ANKRD40: variants seen among roughly 807,000 people sequenced by gnomAD.
ANKRD40 encodes the protein ankyrin repeat domain 40, also known as ankyrin repeat domain-containing protein 40.
In ANKRD40, 24 loss-of-function variants were observed where a neutral mutation model predicts 35.5. The observed-to-expected ratio is 0.68, with a 90% CI of 0.49 to 0.95. The LOEUF (loss-of-function observed/expected upper bound fraction) is 0.95. Ranked by LOEUF, ANKRD40 falls within the 40% of genes least tolerant of loss-of-function variation. ANKRD40 has a pLI of 0.00. For synonymous variants in ANKRD40, 147 were observed against 173.5 expected (o/e 0.85, Z 1.20); for missense variants, 361 against 436.0 (o/e 0.83, Z 1.53).
intron 4 of ANKRD40, 58 bp downstream of exon 4, chr17:50,696,882 G>A: frequency 6.8e-7 from 1 of 1,465,486 alleles, no homozygotes; most frequent in Non-Finnish European, 9.2e-7. Flanking sequence ...TAACCAAGGA[G>A]GGGGCTAGGT....
At position 50,695,309 on chromosome 17, in the gene ANKRD40, C is replaced by G. The variant is rs539245793; in HGVS notation, c.*688G>C. 1 of 152,344 alleles carries G rather than the reference C, an allele frequency of 6.6e-6. No homozygotes were observed. The highest frequency in any genetic ancestry group is 2.4e-5 in the African/African-American group (1 of 41,552). 9.4% of individuals were successfully genotyped at this position (152,344 alleles called of 1,614,324 possible). ...CGAAGGGGAGTTAATGCAGAGATGACTCGAGACAGAGAAGCAGTCATGAGT... is the reference window on the plus strand; with the variant it reads ...CGAAGGGGAGTTAATGCAGAGATGAGTCGAGACAGAGAAGCAGTCATGAGT... On this transcript the variant is annotated 3_prime_UTR_variant, in exon 5 of 5. Coordinates refer to ENST00000285243, the MANE Select transcript of ANKRD40 (RefSeq NM_052855.4).
Position 50,700,611 on chromosome 17 carries a change from T to G in ANKRD40, c.240A>C (p.Pro80=). ...KEILTTKGEM[P]VQLTSRREIR... Reference sequence around the variant, plus strand: ...TTTCTCTCCTTGATGTTAACTGGACTGGCATTTCTCCTTTTGTGGTAAGAA... The same window carrying G: ...TTTCTCTCCTTGATGTTAACTGGACGGGCATTTCTCCTTTTGTGGTAAGAA... Residue 80 remains proline (P), a synonymous_variant, in exon 2 of 5, where the codon CCA becomes CCC. Coordinates refer to ENST00000285243, the MANE Select transcript of ANKRD40 (RefSeq NM_052855.4). The G allele has an allele frequency of 6.2e-7, 1 of 1,614,186 alleles. No individual in the cohort carries two copies. The highest frequency in any genetic ancestry group is 1.3e-5 in the African/African-American group (1 of 75,050).
In ANKRD40 at chr17:50,707,643, G is replaced by T; in HGVS notation, c.12C>A (p.Leu4=). The change falls in exon 1 of 5, where the codon CTC becomes CTA. Residue 4 remains leucine (L), a synonymous_variant. Coordinates refer to ENST00000285243, the MANE Select transcript of ANKRD40 (RefSeq NM_052855.4). This position sits in a 1 kb window ranked among gnomAD's most constrained non-coding sequence, Gnocchi z 4.8. ...TCTCCTGCTGCTCCTTCTGCTCTAG[G>T]AGGGCGTTCATCTTCCCACAGCCCC... MNA[L]LEQKEQQERL... 6.4e-7 allele frequency: 1 copy of T among 1,571,998 alleles called. No homozygotes were observed.
In ANKRD40 at chr17:50,699,556, A is replaced by G. The variant is rs369579005; in HGVS notation, c.621T>C (p.Pro207=). Residue 207 remains proline, a synonymous_variant, in exon 3 of 5, where the codon CCT becomes CCC. Coordinates refer to ENST00000285243, the MANE Select transcript of ANKRD40 (RefSeq NM_052855.4). The part of the protein sequence containing the change: ...LRTPESTKPG[P]VCQPPVSQSR... ...TCTGACTCACTGGTGGCTGACAAAC[A>G]GGACCCGGTTTTGTGCTTTCTGGTG... The G allele has an allele frequency of 1.5e-5, 25 of 1,614,222 alleles. No individual in the cohort carries two copies. The East Asian group carries it at 1.6e-4, about 10-fold the overall frequency.
At chr17:50,705,115 T>A (rs8076264) in intron 1 of ANKRD40, among the ~76,000 whole-genome samples, 1 of 143,414 alleles carries the variant, frequency 7.0e-6, no homozygotes, top group African/African-American at 2.6e-5. Flanking sequence ...TGCGAGACTC[T>A]GTCTCAAAAA....
rs777053408 is a variant in ANKRD40, at chr17:50,697,023, G to GC, written c.876dup (p.Leu293AlafsTer7). The GC allele has an allele frequency of 1.9e-6, 3 of 1,614,124 alleles. No individual in the cohort carries two copies. The highest frequency in any genetic ancestry group is 2.5e-6 in the Non-Finnish European group (3 of 1,180,020). On this transcript the variant is annotated frameshift_variant, in exon 4 of 5. Transcript: ENST00000285243. LOFTEE classifies it high-confidence loss of function. Reference sequence around the variant, plus strand: ...CCCAGCTCACAGCAACACACTCTGAGCAACTCTTGGTAGGTGAGCTCCTGT... The same window carrying GC: ...CCCAGCTCACAGCAACACACTCTGAGCCAACTCTTGGTAGGTGAGCTCCTGT...
intron 1 of ANKRD40, among the ~76,000 whole-genome samples, chr17:50,705,158 T>C (rs995543609): frequency 6.6e-6 from 1 of 150,752 alleles, no homozygotes; most frequent in African/African-American, 2.4e-5. Context: ...ATCCTATCTG[T>C]GCTGCAAAGC....
At chr17:50,706,776 T>C (rs1597869655) in intron 1 of ANKRD40, among the ~76,000 whole-genome samples, 2 of 146,634 alleles carry the variant, frequency 1.4e-5, no homozygotes, top group African/African-American at 5.0e-5. Context: ...TGGGGGCGCG[T>C]GCCTGTATTC....
chr17:50,702,572 T>A (rs528444329), intron 1 of ANKRD40, among the ~76,000 whole-genome samples: 38 of 152,178 alleles, frequency 2.5e-4, no homozygotes, highest in Non-Finnish European at 4.9e-4. Flanking sequence ...AAGTGAGCCC[T>A]CAAAAATGAA....
chr17:50,695,877 T>C lies in ANKRD40; in HGVS notation c.*120A>G, dbSNP rs1163588059. On this transcript the variant is annotated 3_prime_UTR_variant, in exon 5 of 5. Transcript: ENST00000285243. ...ACCTTGGCAGAATGATGTTAGTATA[T>C]ACTATGCAGTGGCACCAGAGGCCCT... is the stretch of plus-strand genomic sequence containing the variant. 9.7e-6 allele frequency: 12 copies of C among 1,235,774 alleles called. No homozygotes were observed. The East Asian group carries it at 1.4e-4, about 15-fold the overall frequency. 76.6% of individuals were successfully genotyped at this position (1,235,774 alleles called of 1,614,324 possible). A position where few individuals can be genotyped will look rare whatever the true frequency, so the allele number is the denominator to read the frequency against.
Position 50,696,973 on chromosome 17 carries a change from C to A in ANKRD40, c.927G>T (p.Lys309Asn). ...ACAGAGTATTGGGTAACTTTCTGAT[C>A]TTCTCCACTTGATCTGGATTAACAC... Reference protein sequence around the residue: ...ELGVNPDQVEKIRKLPNTLLR... With the variant: ...ELGVNPDQVENIRKLPNTLLR... Residue 309 changes from lysine to asparagine, a missense_variant, in exon 4 of 5, where the codon AAG (lysine) becomes AAT (asparagine). Physicochemically the swap from Lys to Asn is moderately conservative, Grantham distance 94 (BLOSUM62 0). Around this residue, in one of 5 missense-constraint regions of ANKRD40, gnomAD observed 93 missense variants for 129.6 expected, o/e 0.72. Coordinates refer to ENST00000285243, the MANE Select transcript of ANKRD40 (RefSeq NM_052855.4). 6.2e-7 allele frequency: 1 copy of A among 1,611,938 alleles called. No individual in the cohort carries two copies. The highest frequency in any genetic ancestry group is 8.5e-7 in the Non-Finnish European group (1 of 1,179,164).
chr17:50,707,529 G>T lies in ANKRD40; in HGVS notation c.126C>A (p.Val42=), dbSNP rs1475264935. The T allele has an allele frequency of 8.7e-6, 14 of 1,606,686 alleles. No homozygotes were observed. Among genetic ancestry groups the T allele is most frequent in the Non-Finnish European group, 1.2e-5 (14 of 1,176,358 alleles). Residue 42 remains valine (V), a synonymous_variant, in exon 1 of 5, where the codon GTC becomes GTA. Coordinates refer to ENST00000285243, the MANE Select transcript of ANKRD40 (RefSeq NM_052855.4). The surrounding 1 kb of genome is among the most constrained non-coding windows in gnomAD (Gnocchi z 4.8). ...CCCCGCTCCCCACTTACCAGCCGTT[G>T]ACCTCATTTTGGGAGTTCACATCCA... ...SGVDVNSQNE[V]NGWTCLHWAC...
At chr17:50,705,660 C>CTTTTT (rs901114991) in intron 1 of ANKRD40, among the ~76,000 whole-genome samples, 1 of 127,184 alleles carries the variant, frequency 7.9e-6, no homozygotes, top group Non-Finnish European at 1.7e-5. Context: ...GGAAGATAGA[C>CTTTTT]TTTTTTTTTT....
intron 3 of ANKRD40, among the ~76,000 whole-genome samples, chr17:50,698,266 G>A (rs1171557979): frequency 1.3e-5 from 2 of 152,012 alleles, no homozygotes; most frequent in African/African-American, 4.8e-5. Flanking sequence ...GTAAGGCAGT[G>A]CTCCAAGAAC....
intron 3 of ANKRD40, 122 bp downstream of exon 3, chr17:50,699,277 C>G: frequency 7.6e-7 from 1 of 1,323,384 alleles, no homozygotes; most frequent in Non-Finnish European, 1.0e-6. Context: ...AAAGGGAGTT[C>G]CTTATGTTAG....
chr17:50,696,201 T>G (rs1968199135), intron 4 of ANKRD40, 58 bp from the exon 5 acceptor site: 1 of 1,542,734 alleles, frequency 6.5e-7, no homozygotes, highest in Non-Finnish European at 8.8e-7. Context: ...ATATGTTTGG[T>G]GCACTCTATT....
Position 50,700,552 on chromosome 17 carries a change from C to T in ANKRD40, c.283+16G>A. The T allele has an allele frequency of 6.2e-7, 1 of 1,613,078 alleles. No homozygotes were observed. The highest frequency in any genetic ancestry group is 8.5e-7 in the Non-Finnish European group (1 of 1,179,360). On this transcript the variant is annotated intron_variant, in intron 2 of 4. Coordinates refer to ENST00000285243, the MANE Select transcript of ANKRD40 (RefSeq NM_052855.4). ...GAGTCTGAGGAAATCAAAAGTTCCC[C>T]CAAACACAGACTCACCTCCCATAAT...
chr17:50,706,768 G>C (rs1397818721), intron 1 of ANKRD40, among the ~76,000 whole-genome samples: 3 of 150,252 alleles, frequency 2.0e-5, no homozygotes, highest in Non-Finnish European at 4.4e-5. Flanking sequence ...GCCGGGTGTG[G>C]GGGCGCGTGC....
chr17:50,707,731 C>A lies in ANKRD40; in HGVS notation c.-77G>T. ...GGGCCTGTCAGCGCCGCCGCCGTCG[C>A]CGCGGCCCGCTCCCGGCCATGGGGA... On this transcript the variant is annotated 5_prime_UTR_variant, in exon 1 of 5. Transcript: ENST00000285243. The surrounding 1 kb of genome is among the most constrained non-coding windows in gnomAD (Gnocchi z 4.8). 9.1e-7 allele frequency: 1 copy of A among 1,101,304 alleles called. No homozygotes were observed. Among genetic ancestry groups the A allele is most frequent in the Non-Finnish European group, 1.1e-6 (1 of 890,168 alleles). The allele number at this position is 1,101,304 out of a possible 1,614,324, so 68.2% of individuals were successfully genotyped here.
Sources: allele counts gnomAD v4.1 joint callset (sites outside exome capture counted in the v4.1 genomes callset), GRCh38; gene constraint gnomAD v4.1.1; regional missense constraint gnomAD v4.1.1; non-coding constraint Gnocchi (gnomAD v3.1); transcripts MANE v1.5; gene names NCBI Gene and HGNC (gene_info 2026-07-23, HGNC 2026-07-21).